Variants in PTPRE observed in about 807,000 individuals in gnomAD.
PTPRE encodes protein tyrosine phosphatase receptor type E, also known as receptor-type tyrosine-protein phosphatase epsilon.
A neutral mutation model predicts 102.0 loss-of-function variants in PTPRE; 51 were observed. The observed-to-expected ratio is 0.50, with a 90% CI of 0.40 to 0.63. The LOEUF (loss-of-function observed/expected upper bound fraction) is 0.63. Ranked by LOEUF, PTPRE falls within the 30% of genes least tolerant of loss-of-function variation. The probability of loss-of-function intolerance (pLI) is 0.00; values close to 1 mark genes in which losing one functional copy is unlikely to be tolerated. For synonymous variants in PTPRE, 345 were observed against 348.2 expected (o/e 0.99, Z 0.10); for missense variants, 752 against 915.1 (o/e 0.82, Z 2.30).
At chr10:128,005,439 TAC>T (rs578068495) in intron 2 of PTPRE, among the ~76,000 whole-genome samples, 108 of 152,326 alleles carry the variant, frequency 7.1e-4, no homozygotes, top group African/African-American at 2.3e-3. Context: ...CCAAGAGCCT[TAC>T]ACAGGGCCAG....
chr10:128,029,764 G>A (rs4750932), intron 2 of PTPRE, among the ~76,000 whole-genome samples: 9,958 of 152,348 alleles, frequency 0.065, 427 homozygotes, highest in Non-Finnish European at 0.1. Context: ...CGGACTGTAA[G>A]CCCAGGCCTG....
chr10:127,967,849 T>C (rs893637538), intron 1 of PTPRE, among the ~76,000 whole-genome samples: 2 of 152,200 alleles, frequency 1.3e-5, no homozygotes, highest in African/African-American at 4.8e-5. Context: ...TCTGACACCA[T>C]AGATTAGTTT....
At chr10:127,911,870 G>A (rs1845892783) in intron 1 of PTPRE, among the ~76,000 whole-genome samples, 1 of 151,464 alleles carries the variant, frequency 6.6e-6, no homozygotes, top group African/African-American at 2.4e-5. Flanking sequence ...TCATTATTTT[G>A]TCACTAGGAT....
chr10:128,072,993 A>G (rs571744121), intron 16 of PTPRE, among the ~76,000 whole-genome samples: 15 of 152,344 alleles, frequency 9.8e-5, no homozygotes, highest in African/African-American at 3.6e-4. Context: ...TTGTACCAGA[A>G]TCCGGTGGGC....
intron 1 of PTPRE, among the ~76,000 whole-genome samples, chr10:127,959,843 C>A (rs934886848): frequency 1.3e-5 from 2 of 152,120 alleles, no homozygotes; most frequent in Non-Finnish European, 2.9e-5. Flanking sequence ...TGTGAGGGTC[C>A]ATGAGATATT....
intron 2 of PTPRE, among the ~76,000 whole-genome samples, chr10:128,024,315 G>A (rs1846139363): frequency 6.6e-6 from 1 of 152,180 alleles, no homozygotes; most frequent in South Asian, 2.1e-4. Flanking sequence ...ATTATTGTAA[G>A]GTTCACTTCT....
intron 2 of PTPRE, among the ~76,000 whole-genome samples, chr10:127,982,850 T>C (rs1351905313): frequency 6.6e-6 from 1 of 152,194 alleles, no homozygotes; most frequent in Non-Finnish European, 1.5e-5. Flanking sequence ...CTTGATGTCC[T>C]TAGAAAAAGA....
At chr10:127,990,411 C>CAAAAAAAA (rs60034358) in intron 2 of PTPRE, among the ~76,000 whole-genome samples, 21 of 65,718 alleles carry the variant, frequency 3.2e-4, no homozygotes, top group African/African-American at 4.2e-4. Context: ...GACTCCACCT[C>CAAAAAAAA]AAAAAAAAAA....
chr10:128,048,698 C>T (rs1055961184), intron 5 of PTPRE, among the ~76,000 whole-genome samples: 4 of 152,206 alleles, frequency 2.6e-5, no homozygotes, highest in East Asian at 3.9e-4. Flanking sequence ...ATAGCAGGAA[C>T]GGAAGGGAGG....
intron 2 of PTPRE, among the ~76,000 whole-genome samples, chr10:127,988,062 A>G (rs138414567): frequency 4.6e-4 from 70 of 152,242 alleles, no homozygotes; most frequent in African/African-American, 1.6e-3. Context: ...GAAAGAAGAC[A>G]AGAAATGTAT....
chr10:127,969,909 T>C (rs776399878), intron 1 of PTPRE, among the ~76,000 whole-genome samples: 12 of 152,166 alleles, frequency 7.9e-5, no homozygotes, highest in Non-Finnish European at 1.5e-4. Flanking sequence ...CTGCTGGCCA[T>C]GGGGACCCTG....
chr10:128,047,164 A>G (rs1848158868), intron 3 of PTPRE, among the ~76,000 whole-genome samples: 1 of 152,200 alleles, frequency 6.6e-6, no homozygotes, highest in South Asian at 2.1e-4. Context: ...GGGATTTTGG[A>G]CAAGTCACCT....
chr10:127,933,308 CTGTT>C (rs1847582071), intron 1 of PTPRE, among the ~76,000 whole-genome samples: 2 of 152,224 alleles, frequency 1.3e-5, no homozygotes, highest in Admixed American at 6.5e-5. Context: ...TCCTGAGTGA[CTGTT>C]TGCAGCAAAG....
intron 1 of PTPRE, among the ~76,000 whole-genome samples, chr10:127,949,728 C>T (rs547339965): frequency 9.2e-5 from 14 of 152,270 alleles, no homozygotes; most frequent in African/African-American, 2.9e-4. Context: ...TCTTCTCTCC[C>T]GTAGCCACAG....
intron 20 of PTPRE, among the ~76,000 whole-genome samples, chr10:128,082,195 C>CTCTCTTTTTTTTTTTT (rs1554951767): frequency 1.1e-5 from 1 of 89,036 alleles, no homozygotes; most frequent in African/African-American, 4.6e-5. Flanking sequence ...TTTTCTCTTT[C>CTCTCTTTTTTTTTTTT]TTTTTTTTTT....
chr10:127,924,481 G>A (rs75296406), intron 1 of PTPRE, among the ~76,000 whole-genome samples: 11,025 of 152,094 alleles, frequency 0.072, 449 homozygotes, highest in Non-Finnish European at 0.087. Context: ...CCTACACCTC[G>A]GCCTCCCAAA....
intron 2 of PTPRE, among the ~76,000 whole-genome samples, chr10:127,994,757 G>A (rs1266966138): frequency 6.6e-6 from 1 of 152,168 alleles, no homozygotes; most frequent in Non-Finnish European, 1.5e-5. Context: ...TGTCGCAGGG[G>A]CTGTTGGTCC....
At chr10:128,044,620 C>T (rs1048158678) in intron 3 of PTPRE, among the ~76,000 whole-genome samples, 1 of 152,196 alleles carries the variant, frequency 6.6e-6, no homozygotes, top group Non-Finnish European at 1.5e-5. Context: ...CATACACACA[C>T]TTCACTTTGG....
At chr10:128,049,731 A>C in intron 6 of PTPRE, 65 bp downstream of exon 6, 1 of 1,602,452 alleles carries the variant, frequency 6.2e-7, no homozygotes, top group Non-Finnish European at 8.5e-7. Context: ...CCAGTGTTAG[A>C]GTTCAGGATG....
Sources: allele counts gnomAD v4.1 joint callset (sites outside exome capture counted in the v4.1 genomes callset), GRCh38; gene constraint gnomAD v4.1.1; transcripts MANE v1.5; gene names NCBI Gene and HGNC (gene_info 2026-07-23, HGNC 2026-07-21).